The following SNCAIP variants were observed in gnomAD, a reference collection of about 807,000 sequenced individuals.
The protein encoded by SNCAIP is synphilin-1.
Under a neutral mutation model 86.7 loss-of-function variants are expected in SNCAIP, and 43 were observed. That is an observed-to-expected ratio of 0.50 (90% CI 0.39 to 0.64). The LOEUF (loss-of-function observed/expected upper bound fraction) is 0.64, where lower values mean the gene tolerates loss of function less well. Among genes scored for constraint, SNCAIP ranks in the 30% least tolerant of loss-of-function variants. The pLI, the probability that SNCAIP is intolerant of heterozygous loss-of-function variation, is 0.00. For missense variants in SNCAIP, 981 were observed against 1,103.1 expected (o/e 0.89, Z 1.57); for synonymous variants, 417 against 427.2 (o/e 0.98, Z 0.29).
At chr5:122,443,602 G>A (rs1454927361) in intron 7 of SNCAIP, 5 of 456,870 alleles carry the variant, frequency 1.1e-5, no homozygotes, top group African/African-American at 1.0e-4. Flanking sequence ...ACTTGGAATG[G>A]GAGTGAGACA....
chr5:122,427,378 T>G (rs1320154277), intron 5 of SNCAIP, among the ~76,000 whole-genome samples: 2 of 32,260 alleles, frequency 6.2e-5, no homozygotes, highest in Admixed American at 2.8e-4. Context: ...ACAGCAGTGT[T>G]TTTTTTTTTT....
chr5:122,448,627 T>C (rs1035072323), intron 8 of SNCAIP, among the ~76,000 whole-genome samples: 2 of 139,174 alleles, frequency 1.4e-5, no homozygotes, highest in African/African-American at 5.3e-5. Context: ...ATATATATAA[T>C]ATATATTATA....
chr5:122,442,143 C>T (rs1781143984), intron 7 of SNCAIP, among the ~76,000 whole-genome samples: 2 of 75,768 alleles, frequency 2.6e-5, no homozygotes, highest in Non-Finnish European at 5.2e-5. Context: ...TTGGCTTACA[C>T]GTGTGTTATT....
chr5:122,334,282 A>G (rs955456933), intron 1 of SNCAIP, among the ~76,000 whole-genome samples: 1 of 152,166 alleles, frequency 6.6e-6, no homozygotes, highest in Non-Finnish European at 1.5e-5. Context: ...AAAGAAAAAA[A>G]AAAAAATGAA....
intron 2 of SNCAIP, among the ~76,000 whole-genome samples, chr5:122,391,853 T>C (rs1769436205): frequency 6.6e-6 from 1 of 152,216 alleles, no homozygotes; most frequent in South Asian, 2.1e-4. Flanking sequence ...TTGAGCTGCT[T>C]GTGCCTTATC....
chr5:122,370,037 G>C (rs1386233971), intron 1 of SNCAIP: 1 of 152,034 alleles, frequency 6.6e-6, no homozygotes, highest in Non-Finnish European at 1.5e-5. Flanking sequence ...AAATAGAATG[G>C]TATATTTCAA....
chr5:122,411,566 C>CA (rs921188716), intron 3 of SNCAIP, among the ~76,000 whole-genome samples: 25 of 147,452 alleles, frequency 1.7e-4, no homozygotes, highest in East Asian at 1.2e-3. Flanking sequence ...ACTCTTCCCT[C>CA]AAAAAAAAAA....
At chr5:122,386,187 A>G (rs1768091870) in intron 1 of SNCAIP, among the ~76,000 whole-genome samples, 2 of 152,162 alleles carry the variant, frequency 1.3e-5, no homozygotes, top group African/African-American at 2.4e-5. Flanking sequence ...GTTTGGAATT[A>G]TTTTCAAAGT....
chr5:122,340,795 G>A (rs2152720733), intron 1 of SNCAIP, among the ~76,000 whole-genome samples: 1 of 152,196 alleles, frequency 6.6e-6, no homozygotes, highest in South Asian at 2.1e-4. Context: ...CAATTCCTTG[G>A]AAATTTTAGA....
At chr5:122,445,041 G>A (rs114146854) in intron 8 of SNCAIP, 44 of 411,022 alleles carry the variant, frequency 1.1e-4, no homozygotes, top group Admixed American at 3.9e-4. Context: ...ATTACAGAGC[G>A]CTGGAAGCAC....
At chr5:122,377,448 C>T (rs1463447881) in intron 1 of SNCAIP, among the ~76,000 whole-genome samples, 3 of 151,674 alleles carry the variant, frequency 2.0e-5, no homozygotes, top group African/African-American at 7.3e-5. Context: ...AAATGTTCAA[C>T]TCATTTTAAA....
At chr5:122,423,814 CAG>C (rs1204664698) in intron 4 of SNCAIP, 75 bp downstream of exon 4, 4 of 1,287,004 alleles carry the variant, frequency 3.1e-6, no homozygotes, top group African/African-American at 3.0e-5. Flanking sequence ...TCGTTAGTAA[CAG>C]AACGATGCTG....
intron 1 of SNCAIP, among the ~76,000 whole-genome samples, chr5:122,360,729 A>C (rs1164120378): frequency 6.6e-6 from 1 of 152,204 alleles, no homozygotes. Flanking sequence ...CATGAAATTC[A>C]GTAGCTGGAA....
intron 5 of SNCAIP, among the ~76,000 whole-genome samples, chr5:122,425,985 ATTTT>A: frequency 6.6e-6 from 1 of 152,314 alleles, no homozygotes; most frequent in Non-Finnish European, 1.5e-5. Flanking sequence ...AGTATCAAGA[ATTTT>A]TTAGAGTATC....
intron 1 of SNCAIP, among the ~76,000 whole-genome samples, chr5:122,313,295 GC>G (rs1165918128): frequency 6.6e-6 from 1 of 152,206 alleles, no homozygotes; most frequent in East Asian, 1.9e-4. Flanking sequence ...CCATCAAAGA[GC>G]CCGGAGGACG....
At chr5:122,383,189 C>T (rs1489905647) in intron 1 of SNCAIP, among the ~76,000 whole-genome samples, 12 of 152,240 alleles carry the variant, frequency 7.9e-5, no homozygotes, top group East Asian at 3.9e-4. Flanking sequence ...TAGCAATCAG[C>T]GAGACTCCGT....
intron 10 of SNCAIP, among the ~76,000 whole-genome samples, chr5:122,462,945 G>A (rs1786776839): frequency 6.6e-6 from 1 of 152,146 alleles, no homozygotes; most frequent in Non-Finnish European, 1.5e-5. Context: ...GACTTAGCAG[G>A]TATCAAGTAC....
At chr5:122,330,042 TG>T (rs1303026680) in intron 1 of SNCAIP, among the ~76,000 whole-genome samples, 1 of 151,906 alleles carries the variant, frequency 6.6e-6, no homozygotes. Flanking sequence ...AACAGAAGCA[TG>T]TGCCACTATA....
chr5:122,368,828 G>GT (rs1318135252), intron 1 of SNCAIP, among the ~76,000 whole-genome samples: 1 of 152,148 alleles, frequency 6.6e-6, no homozygotes, highest in Admixed American at 6.6e-5. Flanking sequence ...GGGGTTAGGG[G>GT]TTTTTAGTCC....
Sources: allele counts gnomAD v4.1 joint callset (sites outside exome capture counted in the v4.1 genomes callset), GRCh38; gene constraint gnomAD v4.1.1; transcripts MANE v1.5; gene names NCBI Gene and HGNC (gene_info 2026-07-23, HGNC 2026-07-21).